The following CSE1L variants were observed in gnomAD, a reference collection of about 807,000 sequenced individuals.
CSE1L encodes chromosome segregation 1 like, also known as exportin-2.
CSE1L carries 24 observed loss-of-function variants against 120.4 expected under a neutral mutation model. The observed-to-expected ratio is 0.20, with a 90% CI of 0.14 to 0.28. The LOEUF is 0.28. Ranked by LOEUF, CSE1L falls within the 10% of genes least tolerant of loss-of-function variation. The pLI, the probability that CSE1L is intolerant of heterozygous loss-of-function variation, is 1.00. For missense variants in CSE1L, 830 were observed against 1,145.2 expected, an observed-to-expected ratio of 0.72 and a Z score of 3.97; for synonymous variants, 402 against 398.3, an observed-to-expected ratio of 1.01 and a Z score of -0.11.
intron 1 of CSE1L, 35 bp from the exon 2 acceptor site, chr20:49,058,418 G>A: frequency 7.1e-7 from 1 of 1,417,014 alleles, no homozygotes; most frequent in Non-Finnish European, 9.8e-7. Flanking sequence ...TTTTCCGTAA[G>A]TGACCAGTTA....
At chr20:49,074,973 A>G in intron 11 of CSE1L, 123 bp downstream of exon 11, 2 of 667,830 alleles carry the variant, frequency 3.0e-6, no homozygotes, top group Non-Finnish European at 5.1e-6. Flanking sequence ...GCTTTCATTG[A>G]GAACTGTTGT....
chr20:49,067,449 C>T (rs971249857), intron 6 of CSE1L, among the ~76,000 whole-genome samples, 169 bp downstream of exon 6: 26 of 151,990 alleles, frequency 1.7e-4, no homozygotes, highest in African/African-American at 6.0e-4. Context: ...TAGTGAACTC[C>T]CATCTATTAT....
chr20:49,052,351 AG>A (rs1182291677), intron 1 of CSE1L, among the ~76,000 whole-genome samples: 1 of 152,210 alleles, frequency 6.6e-6, no homozygotes, highest in Non-Finnish European at 1.5e-5. Flanking sequence ...ATTTCAAATG[AG>A]GGTAATTGCT....
At chr20:49,095,986 A>G (rs2092136914) in intron 24 of CSE1L, among the ~76,000 whole-genome samples, 1 of 152,222 alleles carries the variant, frequency 6.6e-6, no homozygotes, top group East Asian at 1.9e-4. Context: ...CCCAGCTTCA[A>G]TAATTACCAA....
rs1467655258 is a variant in CSE1L at position 49,087,943 on chromosome 20, C to T, written c.1724-66C>T. ...ATGAATTAGTGCGCTTTTTTCCCCC[C>T]AGTCGCTCTCTTATTCTGAAGTTTA... On this transcript the variant is annotated intron_variant, in intron 16 of 24. Transcript: ENST00000262982. 5.6e-6 allele frequency: 6 copies of T among 1,073,260 alleles called. No individual in the cohort carries two copies. The South Asian group carries it at 5.7e-5, about 10-fold the overall frequency. The allele number at this position is 1,073,260 out of a possible 1,614,324, so 66.5% of individuals were successfully genotyped here.
chr20:49,095,276 C>G (rs373509818), intron 24 of CSE1L: 8 of 295,844 alleles, frequency 2.7e-5, no homozygotes, highest in East Asian at 8.3e-5. Context: ...TTTCCCAGAT[C>G]GAAGTAATCC....
At chr20:49,061,108 G>A (rs986207677) in intron 2 of CSE1L, among the ~76,000 whole-genome samples, 1 of 151,918 alleles carries the variant, frequency 6.6e-6, no homozygotes, top group Non-Finnish European at 1.5e-5. Context: ...GGAAGTTAAT[G>A]GCTCTAATCT....
intron 2 of CSE1L, 107 bp downstream of exon 2, chr20:49,058,655 G>A: frequency 1.3e-6 from 1 of 792,226 alleles, no homozygotes; most frequent in Non-Finnish European, 2.0e-6. Flanking sequence ...ATTCATACTT[G>A]GGTTCTCAAG....
intron 7 of CSE1L, among the ~76,000 whole-genome samples, chr20:49,069,242 A>T (rs1478450632): frequency 6.6e-6 from 1 of 152,162 alleles, no homozygotes; most frequent in Non-Finnish European, 1.5e-5. Context: ...TATGAGGGAG[A>T]CAAAAGACTT....
At chr20:49,061,963 C>G (rs569460390) in intron 2 of CSE1L, among the ~76,000 whole-genome samples, 19 of 152,096 alleles carry the variant, frequency 1.2e-4, no homozygotes, top group Non-Finnish European at 1.9e-4. Flanking sequence ...CCTTTTGAGA[C>G]TCCTTGAGTG....
chr20:49,056,505 G>C (rs1217783001), intron 1 of CSE1L, among the ~76,000 whole-genome samples: 3 of 152,188 alleles, frequency 2.0e-5, no homozygotes, highest in Non-Finnish European at 4.4e-5. Flanking sequence ...TTATGCATGT[G>C]TCACCACAGT....
In CSE1L at chr20:49,078,317, T is replaced by G. The variant is rs183934942; in HGVS notation, c.1421-244T>G. Among the ~76,000 whole-genome samples, 304 of 152,354 alleles carry G rather than the reference T, an allele frequency of 2.0e-3. 1 individual carries two copies. The highest frequency in any genetic ancestry group is 7.0e-3 in the African/African-American group (290 of 41,586). Reference sequence around the variant, plus strand: ...GTAGGTAGACATGCTCACCGATGCATGGTCCAGCTCATTTTTACTCAATTA... The same window carrying G: ...GTAGGTAGACATGCTCACCGATGCAGGGTCCAGCTCATTTTTACTCAATTA... On this transcript the variant is annotated intron_variant, in intron 13 of 24. Coordinates refer to ENST00000262982, the MANE Select transcript of CSE1L (RefSeq NM_001316.4).
chr20:49,069,858 T>C (rs2091919473), intron 7 of CSE1L, among the ~76,000 whole-genome samples: 1 of 152,236 alleles, frequency 6.6e-6, no homozygotes, highest in South Asian at 2.1e-4. Flanking sequence ...TTGGTGGTCA[T>C]CTTACAATAA....
intron 1 of CSE1L, among the ~76,000 whole-genome samples, chr20:49,046,818 G>C (rs565902779): frequency 4.1e-4 from 63 of 152,226 alleles, no homozygotes; most frequent in Non-Finnish European, 8.1e-4. Flanking sequence ...CATTCTCTGC[G>C]ACGGTGGCTG....
intron 10 of CSE1L, among the ~76,000 whole-genome samples, chr20:49,073,644 C>A (rs1193976856): frequency 1.3e-5 from 2 of 152,074 alleles, no homozygotes; most frequent in African/African-American, 4.8e-5. Context: ...CACCACCATG[C>A]TCAGCTAGTT....
chr20:49,061,162 T>TA lies in CSE1L; in HGVS notation c.86-2035dup, dbSNP rs1252346152. ...CAAAGAAAGCTGTTGCCAACACTATTAAAAATTTTTTTTTTTTTTTTTTTT... is the reference window on the plus strand; with the variant it reads ...CAAAGAAAGCTGTTGCCAACACTATTAAAAAATTTTTTTTTTTTTTTTTTTT... On this transcript the variant is annotated intron_variant, in intron 2 of 24. Coordinates refer to ENST00000262982, the MANE Select transcript of CSE1L (RefSeq NM_001316.4). Among the ~76,000 whole-genome samples, 3 of 146,170 alleles carry TA rather than the reference T, an allele frequency of 2.1e-5. No individual in the cohort carries two copies. In the South Asian group the frequency reaches 6.5e-4, roughly 32 times the overall value.
chr20:49,053,924 A>C (rs546612126), intron 1 of CSE1L, among the ~76,000 whole-genome samples: 99 of 152,266 alleles, frequency 6.5e-4, no homozygotes, highest in Non-Finnish European at 1.1e-3. Context: ...TCCTGGGCTC[A>C]AGCGATCGTC....
intron 16 of CSE1L, among the ~76,000 whole-genome samples, chr20:49,086,290 T>C (rs959914684): frequency 6.6e-6 from 1 of 151,846 alleles, no homozygotes; most frequent in Non-Finnish European, 1.5e-5. Flanking sequence ...TGTATCTGGG[T>C]GTATGTTTCC....
chr20:49,071,019 T>C (rs937479851), intron 8 of CSE1L, among the ~76,000 whole-genome samples: 6 of 152,236 alleles, frequency 3.9e-5, no homozygotes, highest in African/African-American at 4.8e-5. Flanking sequence ...ATTTCTGATA[T>C]GGGTTTTATA....
Sources: gnomAD v4.1 joint callset for allele counts (sites outside exome capture counted in the v4.1 genomes callset) on GRCh38, gnomAD v4.1.1 for gene constraint, MANE v1.5 for transcripts, NCBI Gene and HGNC (gene_info 2026-07-23, HGNC 2026-07-21) for gene names.